Variants in KCNIP1 observed in about 807,000 individuals in gnomAD.
KCNIP1 encodes potassium voltage-gated channel interacting protein 1, also known as A-type potassium channel modulatory protein KCNIP1.
KCNIP1 carries 18 observed loss-of-function variants against 33.0 expected under a neutral mutation model. The ratio of observed to expected loss-of-function variants is 0.55; its 90% confidence interval spans 0.38 to 0.81. The LOEUF (loss-of-function observed/expected upper bound fraction) is 0.81. Ranked by LOEUF, KCNIP1 falls within the 30% of genes least tolerant of loss-of-function variation. The probability of loss-of-function intolerance (pLI) is 0.00; values close to 1 mark genes in which losing one functional copy is unlikely to be tolerated. For synonymous variants in KCNIP1, 93 were observed against 98.3 expected (o/e 0.95, Z 0.32); for missense variants, 238 against 271.6 (o/e 0.88, Z 0.87).
chr5:170,421,512 G>A (rs773737494), intron 1 of KCNIP1, among the ~76,000 whole-genome samples: 3 of 152,172 alleles, frequency 2.0e-5, no homozygotes, highest in Non-Finnish European at 4.4e-5. Context: ...ATGATTAAGA[G>A]TTGGTGTCTG....
intron 1 of KCNIP1, chr5:170,681,260 A>T (rs1191628191): frequency 5.0e-6 from 2 of 397,288 alleles, no homozygotes; most frequent in Admixed American, 8.8e-5. Context: ...TCGAAAATGC[A>T]CGGAAATGAG....
At chr5:170,414,920 G>C (rs1755288665) in intron 1 of KCNIP1, among the ~76,000 whole-genome samples, 1 of 152,214 alleles carries the variant, frequency 6.6e-6, no homozygotes, top group Admixed American at 6.5e-5. Flanking sequence ...GTGGAAATGG[G>C]GAGGAGATTC....
intron 5 of KCNIP1, among the ~76,000 whole-genome samples, chr5:170,727,709 G>A (rs764129199): frequency 2.0e-5 from 3 of 152,224 alleles, no homozygotes; most frequent in Non-Finnish European, 4.4e-5. Flanking sequence ...GACTGAGGCA[G>A]GAGGATGGGT....
chr5:170,441,507 G>A (rs968142618), intron 1 of KCNIP1, among the ~76,000 whole-genome samples: 5 of 152,132 alleles, frequency 3.3e-5, no homozygotes, highest in East Asian at 1.9e-4. Flanking sequence ...TGTGGCAGGC[G>A]ATCAATGGTG....
intron 1 of KCNIP1, among the ~76,000 whole-genome samples, chr5:170,713,292 C>T (rs1313539277): frequency 6.6e-6 from 1 of 152,152 alleles, no homozygotes; most frequent in Non-Finnish European, 1.5e-5. Context: ...TTCCTATAAT[C>T]AGCTTCAAGT....
chr5:170,535,920 A>G (rs964850975), intron 1 of KCNIP1, among the ~76,000 whole-genome samples: 7 of 152,198 alleles, frequency 4.6e-5, no homozygotes, highest in Non-Finnish European at 8.8e-5. Flanking sequence ...GGCCTGAGGA[A>G]CTGCCTCCTC....
At chr5:170,362,864 C>T (rs924191640) in intron 1 of KCNIP1, among the ~76,000 whole-genome samples, 15 of 152,300 alleles carry the variant, frequency 9.8e-5, no homozygotes, top group East Asian at 3.9e-4. Flanking sequence ...GCTTACTGCT[C>T]GGTGTCTGCA....
At chr5:170,411,908 G>A (rs1482527063) in intron 1 of KCNIP1, among the ~76,000 whole-genome samples, 1 of 152,186 alleles carries the variant, frequency 6.6e-6, no homozygotes, top group Non-Finnish European at 1.5e-5. Flanking sequence ...GTCAAGGAAG[G>A]CTCCCAGGGT....
chr5:170,395,708 C>G (rs1231142418), intron 1 of KCNIP1, among the ~76,000 whole-genome samples: 3 of 152,154 alleles, frequency 2.0e-5, no homozygotes, highest in Non-Finnish European at 4.4e-5. Context: ...AACCCTGTCC[C>G]AGGCCTGACT....
intron 1 of KCNIP1, among the ~76,000 whole-genome samples, chr5:170,424,570 C>T (rs1298940644): frequency 6.6e-6 from 1 of 152,090 alleles, no homozygotes; most frequent in Non-Finnish European, 1.5e-5. Flanking sequence ...TCGGCTGGGG[C>T]TAGGGGTGGG....
intron 1 of KCNIP1, among the ~76,000 whole-genome samples, chr5:170,476,561 AG>A: frequency 6.6e-6 from 1 of 152,266 alleles, no homozygotes; most frequent in Admixed American, 6.5e-5. Flanking sequence ...AAAAAATAGC[AG>A]TATGACAATT....
At chr5:170,455,635 T>C (rs764466384) in intron 1 of KCNIP1, among the ~76,000 whole-genome samples, 5 of 152,114 alleles carry the variant, frequency 3.3e-5, no homozygotes, top group Admixed American at 6.5e-5. Flanking sequence ...AGAATAAAAT[T>C]AGAAAGAACT....
chr5:170,367,430 GAAA>G (rs1763720216), intron 1 of KCNIP1, among the ~76,000 whole-genome samples: 11 of 143,554 alleles, frequency 7.7e-5, no homozygotes, highest in African/African-American at 7.9e-5. Context: ...AGGAAAGAAA[GAAA>G]GAAAGGAAAG....
At chr5:170,676,125 G>C (rs1169635527) in intron 1 of KCNIP1, among the ~76,000 whole-genome samples, 2 of 90,018 alleles carry the variant, frequency 2.2e-5, no homozygotes, top group Non-Finnish European at 4.8e-5. Context: ...GGGAGGGAGC[G>C]AGGGAGGCGG....
intron 1 of KCNIP1, among the ~76,000 whole-genome samples, chr5:170,539,078 T>G (rs983901750): frequency 8.6e-5 from 13 of 151,978 alleles, no homozygotes; most frequent in African/African-American, 3.1e-4. Context: ...TCTGTCTCAT[T>G]TCGTCCACAT....
chr5:170,574,535 T>C (rs1342847471), intron 1 of KCNIP1, among the ~76,000 whole-genome samples: 1 of 152,234 alleles, frequency 6.6e-6, no homozygotes, highest in Non-Finnish European at 1.5e-5. Flanking sequence ...CAATTACAGA[T>C]ATGGCAGGCT....
chr5:170,509,836 G>A (rs903223205), intron 1 of KCNIP1, among the ~76,000 whole-genome samples: 4 of 152,194 alleles, frequency 2.6e-5, no homozygotes, highest in African/African-American at 9.7e-5. Flanking sequence ...TAGTGTCTTT[G>A]GAGAAGGTGA....
At position 170,683,496 on chromosome 5, in the gene KCNIP1, C is replaced by T. The variant is rs546186844; in HGVS notation, c.62-35262C>T. 5.0e-4 allele frequency among the ~76,000 whole-genome samples: 76 copies of T among 152,274 alleles called. 1 individual carries two copies. Among genetic ancestry groups the T allele is most frequent in the Non-Finnish European group, 8.7e-4 (59 of 68,010 alleles). ...CCATTAAGTCTTTACCACACATAGG[C>T]TCTTATGCTAGAGCCCTTACCATAT... On this transcript the variant is annotated intron_variant, in intron 1 of 7. Transcript: ENST00000328939.
At chr5:170,716,560 C>T (rs530629132) in intron 1 of KCNIP1, among the ~76,000 whole-genome samples, 2 of 152,268 alleles carry the variant, frequency 1.3e-5, no homozygotes, top group South Asian at 4.2e-4. Context: ...AAAAGCTTGG[C>T]AGTCAGTATC....
Sources: gnomAD v4.1 joint callset for allele counts (sites outside exome capture counted in the v4.1 genomes callset) on GRCh38, gnomAD v4.1.1 for gene constraint, MANE v1.5 for transcripts, NCBI Gene and HGNC (gene_info 2026-07-23, HGNC 2026-07-21) for gene names.